BRD4: variants seen among roughly 807,000 people sequenced by gnomAD.
The protein encoded by BRD4 is bromodomain-containing protein 4.
BRD4 carries 16 observed loss-of-function variants against 142.1 expected under a neutral mutation model. The ratio of observed to expected loss-of-function variants is 0.11; its 90% confidence interval spans 0.08 to 0.17. The LOEUF is 0.17. BRD4 is among the 10% of genes least tolerant of loss of function. The probability of loss-of-function intolerance (pLI) is 1.00; values close to 1 mark genes in which losing one functional copy is unlikely to be tolerated. For synonymous variants in BRD4, 833 were observed against 707.5 expected (o/e 1.18, Z -2.82); for missense variants, 1,424 against 1,810.9 (o/e 0.79, Z 3.88).
rs760028166 is a variant in BRD4 at position 15,257,047 on chromosome 19, T to A, written c.1468A>T (p.Ser490Cys). 1.7e-5 allele frequency: 28 copies of A among 1,601,184 alleles called. No homozygotes were observed. The highest frequency in any genetic ancestry group is 2.2e-5 in the Non-Finnish European group (26 of 1,175,796). The change falls in exon 8 of 20, where the codon AGC becomes TGC. Residue 490 changes from serine to cysteine, a missense_variant. By Grantham distance (112) the Ser-to-Cys change is moderately radical (BLOSUM62 -1). Around this residue, in one of 16 missense-constraint regions of BRD4, gnomAD observed 90 missense variants for 93.2 expected, o/e 0.97. Transcript: ENST00000679869. The stretch of plus-strand genomic sequence containing the variant: ...CTGTCACTGTCCGAGGAGCTATCGC[T>A]GCTGCTGTCGCTGGATGAGGGCGGG... ...VAPPSSSDSS[S>C]DSSSDSDSST...
In BRD4 at chr19:15,243,078, C is replaced by A; in HGVS notation, c.2991G>T (p.Val997=). 6.6e-7 allele frequency: 1 copy of A among 1,513,710 alleles called. No individual in the cohort carries two copies. The highest frequency in any genetic ancestry group is 8.8e-7 in the Non-Finnish European group (1 of 1,132,360). The allele number at this position is 1,513,710 out of a possible 1,614,324, so 93.8% of individuals were successfully genotyped here. A position where few individuals can be genotyped will look rare whatever the true frequency, so the allele number is the denominator to read the frequency against. The change falls in exon 14 of 20, where the codon GTG becomes GTT. Residue 997 remains valine (V), a synonymous_variant. Transcript: ENST00000679869. ...QQQHQPPPRP[V]HLQPMQFSTH... The stretch of plus-strand genomic sequence containing the variant: ...TGGAAAACTGCATGGGCTGCAAGTG[C>A]ACGGGCCGTGGAGGGGGCTGATGCT...
chr19:15,315,697 T>C (rs897806568), intron 1 of BRD4, among the ~76,000 whole-genome samples: 1 of 151,698 alleles, frequency 6.6e-6, no homozygotes, highest in African/African-American at 2.4e-5. Context: ...CCACTAAAAA[T>C]ACAAAAAAAC....
intron 1 of BRD4, among the ~76,000 whole-genome samples, chr19:15,318,780 G>A (rs1267258355): frequency 2.0e-5 from 3 of 152,200 alleles, no homozygotes; most frequent in African/African-American, 7.2e-5. Flanking sequence ...CTTCAGTGTA[G>A]AGCCCTAGTT....
At chr19:15,257,999 G>C (rs1438242632) in intron 7 of BRD4, among the ~76,000 whole-genome samples, 4 of 152,208 alleles carry the variant, frequency 2.6e-5, no homozygotes, top group Non-Finnish European at 5.9e-5. Context: ...CAGCTGTCAA[G>C]TCCCTGCCCT....
intron 1 of BRD4, among the ~76,000 whole-genome samples, chr19:15,279,096 C>T (rs766172693): frequency 7.2e-5 from 11 of 151,950 alleles, no homozygotes; most frequent in African/African-American, 1.7e-4. Flanking sequence ...CCACTTCGGC[C>T]GCCCAAAGTG....
intron 7 of BRD4, among the ~76,000 whole-genome samples, chr19:15,258,770 G>C (rs2047439241): frequency 6.6e-6 from 1 of 151,978 alleles, no homozygotes; most frequent in South Asian, 2.1e-4. Context: ...CTAAATTTTT[G>C]TGCAGACAGG....
chr19:15,244,671 A>G (rs748192588), intron 12 of BRD4, 39 bp downstream of exon 12: 2 of 1,613,950 alleles, frequency 1.2e-6, no homozygotes, highest in African/African-American at 1.3e-5. Flanking sequence ...GCCAGACCCA[A>G]CGTCCCACCT....
At chr19:15,295,358 C>T (rs905257905) in intron 1 of BRD4, among the ~76,000 whole-genome samples, 1 of 152,184 alleles carries the variant, frequency 6.6e-6, no homozygotes, top group Non-Finnish European at 1.5e-5. Flanking sequence ...GCTTTCTCTG[C>T]CGGGAATACC....
rs755436796 is a variant in BRD4 at position 15,243,506 on chromosome 19, G to A, written c.2582-19C>T. 7.2e-6 allele frequency: 11 copies of A among 1,537,634 alleles called. No individual in the cohort carries two copies. The highest frequency in any genetic ancestry group is 2.5e-5 in the South Asian group (2 of 78,496). ...TGCAAAGCTGGAAGAACACAACACC[G>A]AGGCGGTGAGGCCTGAGCACCTGTG... On this transcript the variant is annotated intron_variant, in intron 13 of 19. Transcript: ENST00000679869.
At chr19:15,316,968 G>C (rs2048022928) in intron 1 of BRD4, among the ~76,000 whole-genome samples, 2 of 152,208 alleles carry the variant, frequency 1.3e-5, no homozygotes, top group Admixed American at 1.3e-4. Context: ...AGGCTGCCTT[G>C]CCTGGACATC....
intron 1 of BRD4, among the ~76,000 whole-genome samples, chr19:15,312,402 G>A (rs1266523048): frequency 2.0e-5 from 3 of 152,166 alleles, no homozygotes; most frequent in African/African-American, 4.8e-5. Context: ...GGGAGGCCGA[G>A]GCGGGCAGAT....
chr19:15,274,368 TG>T (rs2047623240), intron 1 of BRD4, among the ~76,000 whole-genome samples: 1 of 152,134 alleles, frequency 6.6e-6, no homozygotes, highest in African/African-American at 2.4e-5. Flanking sequence ...ACAAGTGTGA[TG>T]GGGTCAAGGG....
intron 11 of BRD4, among the ~76,000 whole-genome samples, chr19:15,252,339 T>C (rs1280087032): frequency 6.6e-6 from 1 of 152,236 alleles, no homozygotes; most frequent in Non-Finnish European, 1.5e-5. Context: ...CCTGACAATT[T>C]CAGCATCTGG....
At chr19:15,263,905 T>C (rs2047501991) in intron 6 of BRD4, among the ~76,000 whole-genome samples, 1 of 152,234 alleles carries the variant, frequency 6.6e-6, no homozygotes, top group Non-Finnish European at 1.5e-5. Flanking sequence ...TTCCCTGCTC[T>C]GCCTGCCCCA....
chr19:15,281,694 A>G (rs1021065478), intron 1 of BRD4, among the ~76,000 whole-genome samples: 17 of 152,198 alleles, frequency 1.1e-4, no homozygotes, highest in Admixed American at 8.5e-4. Flanking sequence ...GCATGTAGCA[A>G]AAACAAAACT....
intron 7 of BRD4, chr19:15,257,422 A>G (rs763273279): frequency 1.8e-6 from 1 of 540,816 alleles, no homozygotes; most frequent in South Asian, 2.4e-5. Flanking sequence ...CGGGGCACTC[A>G]CTCCCTGGAG....
chr19:15,318,020 T>C (rs1298701846), intron 1 of BRD4, among the ~76,000 whole-genome samples: 5 of 152,252 alleles, frequency 3.3e-5, no homozygotes, highest in Non-Finnish European at 7.3e-5. Context: ...CAGAGCCAAG[T>C]AATTTTTAAT....
Position 15,280,271 on chromosome 19 carries a change from A to G in BRD4, c.-34-7138T>C, listed in dbSNP as rs201561139. ...ACAGCTGTCTCCACTCACCAAGCAC[A>G]GTGGCAACACCCACAAGGGGCAGAG... On this transcript the variant is annotated intron_variant, in intron 1 of 19. Transcript: ENST00000679869. The G allele has an allele frequency of 4.3e-5, 43 of 1,008,046 alleles. No homozygotes were observed. The African/African-American group carries it at 6.4e-4, about 15-fold the overall frequency. 62.4% of individuals were successfully genotyped at this position (1,008,046 alleles called of 1,614,324 possible). A position where few individuals can be genotyped will look rare whatever the true frequency, so the allele number is the denominator to read the frequency against.
At chr19:15,252,933 A>G (rs1327530967) in intron 11 of BRD4, 1 of 182,862 alleles carries the variant, frequency 5.5e-6, no homozygotes, top group Non-Finnish European at 1.2e-5. Flanking sequence ...GGCTCTCCCC[A>G]GCTGCCGTGA....
Sources: gnomAD v4.1 joint callset for allele counts (sites outside exome capture counted in the v4.1 genomes callset) on GRCh38, gnomAD v4.1.1 for gene constraint, gnomAD v4.1.1 regional missense constraint, MANE v1.5 for transcripts, NCBI Gene and HGNC (gene_info 2026-07-23, HGNC 2026-07-21) for gene names.